Variants in KRT13 observed in about 807,000 individuals in gnomAD.
The protein encoded by KRT13 is keratin, type I cytoskeletal 13.
Under a neutral mutation model 40.6 loss-of-function variants are expected in KRT13, and 27 were observed. That is an observed-to-expected ratio of 0.67 (90% CI 0.49 to 0.92). The LOEUF (loss-of-function observed/expected upper bound fraction) is 0.92. Among genes scored for constraint, KRT13 ranks in the 40% least tolerant of loss-of-function variants. KRT13 has a pLI of 0.00. For missense variants in KRT13, 605 were observed against 611.5 expected (o/e 0.99, Z 0.11); for synonymous variants, 266 against 240.3 (o/e 1.11, Z -0.99).
chr17:41,501,714 CT>C lies in KRT13; in HGVS notation c.1270+4del. The C allele has an allele frequency of 6.3e-7, 1 of 1,585,318 alleles. No individual in the cohort carries two copies. Among genetic ancestry groups the C allele is most frequent in the Non-Finnish European group, 8.6e-7 (1 of 1,165,050 alleles). On this transcript the variant is annotated splice_donor_region_variant and intron_variant, in intron 7 of 7. Coordinates refer to ENST00000246635, the MANE Select transcript of KRT13 (RefSeq NM_153490.3). ...TCCCCCTACACCACGGGGCTGTTCC[CT>C]TACCTGCTGAGGAAGGGAAACCAAT...
chr17:41,501,425 C>G (rs374254953), intron 7 of KRT13, 63 bp from the exon 8 acceptor site: 1 of 1,370,884 alleles, frequency 7.3e-7, no homozygotes, highest in East Asian at 2.5e-5. Context: ...CAGGGCAGGG[C>G]CCCCCTGGAG....
chr17:41,502,376 G>A lies in KRT13; in HGVS notation c.1242C>T (p.Ala414=). 1 of 1,614,180 alleles carries A rather than the reference G, an allele frequency of 6.2e-7. No homozygotes were observed. Among genetic ancestry groups the A allele is most frequent in the Non-Finnish European group, 8.5e-7 (1 of 1,180,044 alleles). Residue 414 remains alanine (A), a splice_region_variant and synonymous_variant, in exon 6 of 8, where the codon GCC becomes GCT. Coordinates refer to ENST00000246635, the MANE Select transcript of KRT13 (RefSeq NM_153490.3). The part of the protein sequence containing the change: ...TYRSLLEGQD[A]KMIGFPSSAG... The stretch of plus-strand genomic sequence containing the variant: ...GAAAGAGGCTGGAGAGGACCTACTT[G>A]GCGTCCTGGCCCTCGAGCAGGCTGC...
chr17:41,502,889 C>A, intron 4 of KRT13, 48 bp downstream of exon 4: 2 of 1,614,130 alleles, frequency 1.2e-6, no homozygotes, highest in Non-Finnish European at 1.7e-6. Context: ...TCCGCCCGGC[C>A]CCCCTGGCTA....
intron 1 of KRT13, 112 bp from the exon 2 acceptor site, chr17:41,503,837 A>G (rs1411964605): frequency 1.1e-5 from 9 of 802,656 alleles, no homozygotes; most frequent in Non-Finnish European, 1.6e-5. Flanking sequence ...ATACGCTAAC[A>G]CTAACGATAG....
rs750793720 is a variant in KRT13 at position 41,502,946 on chromosome 17, G to C, written c.888C>G (p.Phe296Leu). Residue 296 changes from phenylalanine (F) to leucine (L), a missense_variant, in exon 4 of 8, where the codon TTC (phenylalanine) becomes TTG (leucine). By Grantham distance (22) the Phe-to-Leu change is conservative. Coordinates refer to ENST00000246635, the MANE Select transcript of KRT13 (RefSeq NM_153490.3). Reference protein sequence around the residue: ...ERNRRDAEEWFHTKSAELNKE... With the variant: ...ERNRRDAEEWLHTKSAELNKE... ...TGGGAGGGCCGGGTACCTTGGTGTG[G>C]AACCATTCCTCAGCATCCCGGCGGT... 2 of 1,614,162 alleles carry C rather than the reference G, an allele frequency of 1.2e-6. No individual in the cohort carries two copies. The highest frequency in any genetic ancestry group is 2.2e-5 in the South Asian group (2 of 91,086).
At chr17:41,503,256 G>C in intron 3 of KRT13, 31 bp downstream of exon 3, 2 of 1,613,534 alleles carry the variant, frequency 1.2e-6, no homozygotes, top group Non-Finnish European at 1.7e-6. Context: ...GGAGGTTGTT[G>C]AGCCCAGGGC....
At position 41,502,222 on chromosome 17, in the gene KRT13, C is replaced by T. The variant is rs1043701862; in HGVS notation, c.1244+152G>A. 9 of 1,566,358 alleles carry T rather than the reference C, an allele frequency of 5.7e-6. No homozygotes were observed. In the African/African-American group the frequency reaches 1.2e-4, roughly 21 times the overall value. On this transcript the variant is annotated intron_variant, in intron 6 of 7. Transcript: ENST00000246635. ...AAATTAGAAAGTTTAAAGGTGTTAA[C>T]CCTGCAGCCTACCAAGGAAATGTCC...
Position 41,502,452 on chromosome 17 carries a change from T to G in KRT13, c.1166A>C (p.Lys389Thr). Reference protein sequence around the residue: ...SEMECQNQEYKMLLDIKTRLE... With the variant: ...SEMECQNQEYTMLLDIKTRLE... The stretch of plus-strand genomic sequence containing the variant: ...ACGTGTCTTGATGTCCAGCAGCATC[T>G]TGTACTCTTGGTTCTGGCACTCCAT... The change falls in exon 6 of 8, where the codon AAG becomes ACG. Residue 389 changes from lysine to threonine, a missense_variant. Transcript: ENST00000246635. 1 of 1,614,244 alleles carries G rather than the reference T, an allele frequency of 6.2e-7. No homozygotes were observed.
intron 1 of KRT13, 78 bp from the exon 2 acceptor site, chr17:41,503,803 G>T (rs1904961957): frequency 3.7e-6 from 4 of 1,091,572 alleles, no homozygotes; most frequent in East Asian, 4.7e-5. Context: ...ATTGGAAGAA[G>T]AATTGTCTTG....
At chr17:41,503,599 G>C in intron 2 of KRT13, 44 bp downstream of exon 2, 1 of 1,581,344 alleles carries the variant, frequency 6.3e-7, no homozygotes, top group Non-Finnish European at 8.7e-7. Context: ...TCTAAACTAA[G>C]AGACTCCTGG....
chr17:41,503,106 G>A lies in KRT13; in HGVS notation c.736-8C>T. On this transcript the variant is annotated splice_polypyrimidine_tract_variant and splice_region_variant and intron_variant, in intron 3 of 7. Transcript: ENST00000246635. ...GCTAAATTCCTTCATCTCCTGTGGG[G>A]ATGGGAAAGGAAGATGTGTGAGGCT... is the stretch of plus-strand genomic sequence containing the variant. The A allele has an allele frequency of 1.2e-6, 2 of 1,614,136 alleles. No individual in the cohort carries two copies. The highest frequency in any genetic ancestry group is 2.2e-5 in the South Asian group (2 of 91,090).
chr17:41,501,935 G>C (rs1205488139), intron 6 of KRT13, 191 bp from the exon 7 acceptor site: 2 of 1,476,442 alleles, frequency 1.4e-6, no homozygotes, highest in African/African-American at 1.4e-5. Flanking sequence ...TTTCCTGTCT[G>C]TCTGTCTGAG....
intron 7 of KRT13, 156 bp from the exon 8 acceptor site, chr17:41,501,518 C>CA: frequency 9.0e-7 from 1 of 1,116,854 alleles, no homozygotes; most frequent in Non-Finnish European, 1.3e-6. Context: ...CCAAGACAGC[C>CA]AAATAGCTCT....
chr17:41,505,021 C>T, intron 1 of KRT13, 35 bp downstream of exon 1: 2 of 1,613,182 alleles, frequency 1.2e-6, no homozygotes, highest in East Asian at 2.2e-5. Context: ...CTCTGCCCTT[C>T]ATGGAGGACC....
chr17:41,505,179 G>A lies in KRT13; in HGVS notation c.372C>T (p.Ala124=), dbSNP rs1905017783. 4 of 1,614,192 alleles carry A rather than the reference G, an allele frequency of 2.5e-6. No individual in the cohort carries two copies. In the East Asian group the frequency reaches 6.7e-5, roughly 27 times the overall value. The change falls in exon 1 of 8, where the codon GCC becomes GCT. Residue 124 remains alanine, a synonymous_variant. Transcript: ENST00000246635. Reference sequence around the variant, plus strand: ...CCAGGTCAGCGTTGGCCTCCTCCAGGGCGCGCACCTTCTCCAGGTAGGAAG... The same window carrying A: ...CCAGGTCAGCGTTGGCCTCCTCCAGAGCGCGCACCTTCTCCAGGTAGGAAG... ...RLASYLEKVR[A]LEEANADLEV...
rs1905034251 is a variant in KRT13 at position 41,505,473 on chromosome 17, G to A, written c.78C>T (p.Gly26=). 2.5e-6 allele frequency: 4 copies of A among 1,613,998 alleles called. No individual in the cohort carries two copies. Among genetic ancestry groups the A allele is most frequent in the Non-Finnish European group, 2.5e-6 (3 of 1,179,970 alleles). ...FGGGSCQLGG[G]RGVSTCSTRF... is the part of the protein sequence containing the mutation. ...GAGTTGAACAGGTAGAGACACCACG[G>A]CCTCCTCCCAGCTGGCAAGAGCCAC... is the stretch of plus-strand genomic sequence containing the variant. Residue 26 remains glycine (G), a synonymous_variant, in exon 1 of 8, where the codon GGC becomes GGT. Coordinates refer to ENST00000246635, the MANE Select transcript of KRT13 (RefSeq NM_153490.3).
At chr17:41,502,272 C>T in intron 6 of KRT13, 102 bp downstream of exon 6, 2 of 1,609,662 alleles carry the variant, frequency 1.2e-6, no homozygotes, top group South Asian at 2.2e-5. Flanking sequence ...AGTGAGGGGT[C>T]TCCTCTCTGA....
At chr17:41,503,554 G>C (rs563890731) in intron 2 of KRT13, 89 bp downstream of exon 2, 5 of 1,523,446 alleles carry the variant, frequency 3.3e-6, no homozygotes, top group Non-Finnish European at 4.6e-6. Context: ...TTCACTCCTG[G>C]GATGCTCCAG....
At chr17:41,504,577 G>C (rs936109738) in intron 1 of KRT13, 2 of 183,820 alleles carry the variant, frequency 1.1e-5, no homozygotes, top group African/African-American at 4.7e-5. Flanking sequence ...GCTCGGCACT[G>C]CCTAAGCCTC....
Sources: gnomAD v4.1 joint callset for allele counts on GRCh38, gnomAD v4.1.1 for gene constraint, MANE v1.5 for transcripts, NCBI Gene and HGNC (gene_info 2026-07-23, HGNC 2026-07-21) for gene names.